The following PRKAB2 variants were observed in gnomAD, a reference collection of about 807,000 sequenced individuals.
The protein encoded by PRKAB2 is 5'-AMP-activated protein kinase subunit beta-2.
A neutral mutation model predicts 29.8 loss-of-function variants in PRKAB2; 18 were observed. That is an observed-to-expected ratio of 0.60 (90% CI 0.42 to 0.89). The LOEUF (loss-of-function observed/expected upper bound fraction) is 0.89, where lower values mean the gene tolerates loss of function less well. PRKAB2 is among the 40% of genes least tolerant of loss of function. PRKAB2 has a pLI of 0.00. For missense variants in PRKAB2, 270 were observed against 344.3 expected (o/e 0.78, Z 1.71); for synonymous variants, 136 against 125.9 (o/e 1.08, Z -0.54).
Position 147,172,057 on chromosome 1 carries a change from C to A in PRKAB2, c.88G>T (p.Gly30Trp). ...CCCACCATGATCTTGTGCTCCTTCC[C>A]CGGGGCATGGCCGCCTGCGCCCTCG... ...RSEGAGGHAP[G>W]KEHKIMVGST... Residue 30 changes from glycine to tryptophan, a missense_variant, in exon 2 of 8, where the codon GGG (glycine) becomes TGG (tryptophan). Coordinates refer to ENST00000254101, the MANE Select transcript of PRKAB2 (RefSeq NM_005399.5). The A allele has an allele frequency of 1.3e-6, 2 of 1,583,168 alleles. No individual in the cohort carries two copies. Among genetic ancestry groups the A allele is most frequent in the East Asian group, 4.7e-5 (2 of 42,594 alleles).
Position 147,162,459 on chromosome 1 carries a change from T to C in PRKAB2, c.653A>G (p.Asn218Ser), listed in dbSNP as rs782280646. 9 of 1,612,844 alleles carry C rather than the reference T, an allele frequency of 5.6e-6. No individual in the cohort carries two copies. In the South Asian group the frequency reaches 9.9e-5, roughly 18 times the overall value. The change falls in exon 6 of 8, where the codon AAC becomes AGC. Residue 218 changes from asparagine to serine, a missense_variant. Physicochemically the swap from Asn to Ser is conservative, Grantham distance 46 (BLOSUM62 1). Coordinates refer to ENST00000254101, the MANE Select transcript of PRKAB2 (RefSeq NM_005399.5). ...ACTCACAGAAATATTAGTGTCTTTGTTAAGAATAACTTGAAGTAGATGAGG... is the reference window on the plus strand; with the variant it reads ...ACTCACAGAAATATTAGTGTCTTTGCTAAGAATAACTTGAAGTAGATGAGG... Reference protein sequence around the residue: ...LPPHLLQVILNKDTNISCDPA... With the variant: ...LPPHLLQVILSKDTNISCDPA...
Position 147,166,600 on chromosome 1 carries a change from GCTGA to G in PRKAB2, c.432_435del (p.Gln145LeufsTer7). On this transcript the variant is annotated frameshift_variant, in exon 5 of 8. Transcript: ENST00000254101. LOFTEE classifies it high-confidence loss of function. Reference sequence around the variant, plus strand: ...TGGATCAAATTGTTAATTGTGCCAAGCTGACTGGTAACCACAGGCTGAAACAGTG... The same window carrying G: ...TGGATCAAATTGTTAATTGTGCCAAGCTGGTAACCACAGGCTGAAACAGTG... 1 of 1,614,068 alleles carries G rather than the reference GCTGA, an allele frequency of 6.2e-7. No homozygotes were observed. The highest frequency in any genetic ancestry group is 8.5e-7 in the Non-Finnish European group (1 of 1,179,992).
chr1:147,164,064 G>A (rs1654112428), intron 5 of PRKAB2, among the ~76,000 whole-genome samples: 1 of 151,970 alleles, frequency 6.6e-6, no homozygotes, highest in Non-Finnish European at 1.5e-5. Context: ...AGCCTTCAGA[G>A]TAGTTGGTAC....
intron 5 of PRKAB2, among the ~76,000 whole-genome samples, chr1:147,166,254 TAG>T (rs1437472288): frequency 6.6e-6 from 1 of 152,024 alleles, no homozygotes; most frequent in African/African-American, 2.4e-5. Flanking sequence ...ACATGGAAAA[TAG>T]AGTGTATCCC....
rs1653834529 is a variant in PRKAB2 at position 147,159,375 on chromosome 1, T to A, written c.*190A>T. Reference sequence around the variant, plus strand: ...ATATGTATATTTTTTTTTCTTAAAATAAATTCCGTGAACTCATAAAGCTCT... The same window carrying A: ...ATATGTATATTTTTTTTTCTTAAAAAAAATTCCGTGAACTCATAAAGCTCT... On this transcript the variant is annotated 3_prime_UTR_variant, in exon 8 of 8. Transcript: ENST00000254101. The A allele has an allele frequency of 1.9e-6, 1 of 526,482 alleles. No homozygotes were observed. Among genetic ancestry groups the A allele is most frequent in the Non-Finnish European group, 3.4e-6 (1 of 296,414 alleles). The allele number at this position is 526,482 out of a possible 1,614,324, so 32.6% of individuals were successfully genotyped here.
rs587769927 is a variant in PRKAB2 at position 147,159,163 on chromosome 1, G to A, written c.*402C>T. On this transcript the variant is annotated 3_prime_UTR_variant, in exon 8 of 8. Transcript: ENST00000254101. ...GTCTAGCACAAGCCCATTCCTTGGA[G>A]AGCCAAGGTAGCAGTGATAGAATCT... is the stretch of plus-strand genomic sequence containing the variant. The A allele has an allele frequency of 6.3e-4, 111 of 176,594 alleles. No homozygotes were observed. Among genetic ancestry groups the A allele is most frequent in the Non-Finnish European group, 1.2e-3 (99 of 82,240 alleles). 10.9% of individuals were successfully genotyped at this position (176,594 alleles called of 1,614,324 possible).
intron 5 of PRKAB2, among the ~76,000 whole-genome samples, chr1:147,163,695 G>A (rs946229604): frequency 3.9e-5 from 6 of 152,090 alleles, no homozygotes; most frequent in African/African-American, 1.2e-4. Context: ...GGGGAGGAGG[G>A]AATGGGATGT....
At chr1:147,161,540 A>G in intron 7 of PRKAB2, 172 bp downstream of exon 7, 1 of 565,152 alleles carries the variant, frequency 1.8e-6, no homozygotes, top group South Asian at 2.8e-5. Context: ...AGAGACTGAG[A>G]TTTTAAAACA....
intron 6 of PRKAB2, 98 bp downstream of exon 6, chr1:147,162,342 C>T: frequency 7.9e-7 from 1 of 1,265,064 alleles, no homozygotes; most frequent in Non-Finnish European, 1.1e-6. Flanking sequence ...ATAATCTCAA[C>T]ACACCTCTGT....
At position 147,161,928 on chromosome 1, in the gene PRKAB2, T is replaced by C. The variant is rs587678851; in HGVS notation, c.673-148A>G. 77 of 625,824 alleles carry C rather than the reference T, an allele frequency of 1.2e-4. 3 individuals are homozygous for C. The South Asian group carries it at 1.6e-3, about 13-fold the overall frequency. 38.8% of individuals were successfully genotyped at this position (625,824 alleles called of 1,614,324 possible). A position where few individuals can be genotyped will look rare whatever the true frequency, so the allele number is the denominator to read the frequency against. ...TTTCAATAATGCACCCACTCTAGTA[T>C]GTATCAATAATACAATCCTATTACA... On this transcript the variant is annotated intron_variant, in intron 6 of 7. Coordinates refer to ENST00000254101, the MANE Select transcript of PRKAB2 (RefSeq NM_005399.5).
At chr1:147,164,170 C>T (rs1654117437) in intron 5 of PRKAB2, among the ~76,000 whole-genome samples, 1 of 152,088 alleles carries the variant, frequency 6.6e-6, no homozygotes, top group African/African-American at 2.4e-5. Flanking sequence ...AACTCCTGGA[C>T]TCAAGTGATC....
intron 5 of PRKAB2, 73 bp from the exon 6 acceptor site, chr1:147,162,646 C>G: frequency 1.4e-6 from 2 of 1,414,214 alleles, no homozygotes; most frequent in Non-Finnish European, 9.7e-7. Flanking sequence ...GCTATCAATA[C>G]ATGGCAGCTA....
At chr1:147,168,032 G>C (rs1263856257) in intron 2 of PRKAB2, 99 bp from the exon 3 acceptor site, 1 of 1,316,652 alleles carries the variant, frequency 7.6e-7, no homozygotes, top group African/African-American at 1.5e-5. Flanking sequence ...CTAGGCTTTG[G>C]CTAAGGATAT....
rs1553912430 is a variant in PRKAB2, at chr1:147,156,350, C to T, written c.*3215G>A. The T allele has an allele frequency of 1.3e-5, 2 of 152,522 alleles. No individual in the cohort carries two copies. Among genetic ancestry groups the T allele is most frequent in the African/African-American group, 4.8e-5 (2 of 41,394 alleles). The allele number at this position is 152,522 out of a possible 1,614,324, so 9.4% of individuals were successfully genotyped here. On this transcript the variant is annotated 3_prime_UTR_variant, in exon 8 of 8. Coordinates refer to ENST00000254101, the MANE Select transcript of PRKAB2 (RefSeq NM_005399.5). ...TTTATATCCCAGATTAATATAAACC[C>T]AGTCTAGAGGTATCACTTCTTTCCA... is the stretch of plus-strand genomic sequence containing the variant.
chr1:147,171,934 C>G, intron 2 of PRKAB2, 55 bp downstream of exon 2: 1 of 1,562,514 alleles, frequency 6.4e-7, no homozygotes, highest in Non-Finnish European at 8.7e-7. Flanking sequence ...GGAAGAGGAG[C>G]CCAGAAATCA....
In PRKAB2 at chr1:147,156,090, G is replaced by C. The variant is rs1416764406; in HGVS notation, c.*3475C>G. ...CTGGAGTCAGCAGCCCCTGGTAGAA[G>C]ACAGCAAGAACTGGGCTTTAAGGGG... is the stretch of plus-strand genomic sequence containing the variant. On this transcript the variant is annotated 3_prime_UTR_variant, in exon 8 of 8. Coordinates refer to ENST00000254101, the MANE Select transcript of PRKAB2 (RefSeq NM_005399.5). The C allele has an allele frequency of 1.3e-5, 2 of 152,084 alleles. No homozygotes were observed. The highest frequency in any genetic ancestry group is 4.9e-5 in the African/African-American group (2 of 41,106). The allele number at this position is 152,084 out of a possible 1,614,324, so 9.4% of individuals were successfully genotyped here.
In PRKAB2 at chr1:147,157,840, G is replaced by A. The variant is rs1653753524; in HGVS notation, c.*1725C>T. On this transcript the variant is annotated 3_prime_UTR_variant, in exon 8 of 8. Transcript: ENST00000254101. Reference sequence around the variant, plus strand: ...AAGGTGGCCTTGGATGGCTAAAGTAGTATTTACTCTTAGCAATTAACCACC... The same window carrying A: ...AAGGTGGCCTTGGATGGCTAAAGTAATATTTACTCTTAGCAATTAACCACC... 1.3e-5 allele frequency: 2 copies of A among 152,100 alleles called. No individual in the cohort carries two copies. Among genetic ancestry groups the A allele is most frequent in the Admixed American group, 1.3e-4 (2 of 15,268 alleles). The allele number at this position is 152,100 out of a possible 1,614,324, so 9.4% of individuals were successfully genotyped here. A position where few individuals can be genotyped will look rare whatever the true frequency, so the allele number is the denominator to read the frequency against.
intron 2 of PRKAB2, among the ~76,000 whole-genome samples, chr1:147,171,377 T>A (rs1654567605): frequency 6.6e-6 from 1 of 152,086 alleles, no homozygotes; most frequent in African/African-American, 2.4e-5. Flanking sequence ...CCACCACAAC[T>A]ATAAAGTATG....
At chr1:147,170,421 A>G (rs1553914185) in intron 2 of PRKAB2, among the ~76,000 whole-genome samples, 1 of 152,184 alleles carries the variant, frequency 6.6e-6, no homozygotes, top group Non-Finnish European at 1.5e-5. Context: ...TCAACATAGG[A>G]AAAGGGTAAA....
Sources: allele counts gnomAD v4.1 joint callset (sites outside exome capture counted in the v4.1 genomes callset), GRCh38; gene constraint gnomAD v4.1.1; transcripts MANE v1.5; gene names NCBI Gene and HGNC (gene_info 2026-07-23, HGNC 2026-07-21).